The following AGO4 variants were observed in gnomAD, a reference collection of about 807,000 sequenced individuals.
AGO4 encodes argonaute RISC component 4, also known as protein argonaute-4.
Under a neutral mutation model 104.7 loss-of-function variants are expected in AGO4, and 33 were observed. The observed-to-expected ratio is 0.32, with a 90% CI of 0.24 to 0.42. The LOEUF (loss-of-function observed/expected upper bound fraction) is 0.42, where lower values mean the gene tolerates loss of function less well. Among genes scored for constraint, AGO4 ranks in the 10% least tolerant of loss-of-function variants. The pLI, the probability that AGO4 is intolerant of heterozygous loss-of-function variation, is 1.00. For synonymous variants in AGO4, 331 were observed against 364.7 expected, an observed-to-expected ratio of 0.91 and a Z score of 1.05; for missense variants, 711 against 1,083.4, an observed-to-expected ratio of 0.66 and a Z score of 4.83.
chr1:35,818,661 G>GAAAGAAAGAAAGAAAT (rs1643801662), intron 2 of AGO4, among the ~76,000 whole-genome samples: 1 of 126,520 alleles, frequency 7.9e-6, no homozygotes, highest in Non-Finnish European at 1.7e-5. Flanking sequence ...AAGAAAGAAA[G>GAAAGAAAGAAAGAAAT]GAAGAAAGGA....
At chr1:35,850,101 G>C in intron 15 of AGO4, 56 bp from the exon 16 acceptor site, 2 of 1,218,856 alleles carry the variant, frequency 1.6e-6, no homozygotes, top group Non-Finnish European at 2.3e-6. Flanking sequence ...AGAAAAAAAT[G>C]GCCTGACCAC....
Position 35,831,856 on chromosome 1 carries a change from A to G in AGO4, c.1041A>G (p.Thr347=), listed in dbSNP as rs200016040. ...VAGQRCIKKL[T]DNQTSTMIKA... Reference sequence around the variant, plus strand: ...GACAGCGATGTATCAAGAAGCTCACAGACAATCAGACTTCCACAATGATCA... The same window carrying G: ...GACAGCGATGTATCAAGAAGCTCACGGACAATCAGACTTCCACAATGATCA... The change falls in exon 9 of 18, where the codon ACA becomes ACG. Residue 347 remains threonine (T), a synonymous_variant. Coordinates refer to ENST00000373210, the MANE Select transcript of AGO4 (RefSeq NM_017629.4). The G allele has an allele frequency of 1.2e-6, 2 of 1,614,174 alleles. No individual in the cohort carries two copies. The highest frequency in any genetic ancestry group is 4.5e-5 in the East Asian group (2 of 44,874).
At chr1:35,828,947 A>G (rs1644105807) in intron 7 of AGO4, among the ~76,000 whole-genome samples, 1 of 152,056 alleles carries the variant, frequency 6.6e-6, no homozygotes, top group Admixed American at 6.6e-5. Flanking sequence ...AAACATAAAT[A>G]TTGGCTCTTC....
rs370608911 is a variant in AGO4 at position 35,851,096 on chromosome 1, G to A, written c.2477+43G>A. ...AATAAAGTCTCTTTATATTTTAGTA[G>A]CATGTTAAAAAAAATGAGCTACAAT... On this transcript the variant is annotated intron_variant, in intron 17 of 17. Transcript: ENST00000373210. 9.9e-4 allele frequency: 1,507 copies of A among 1,527,834 alleles called. 2 individuals are homozygous for A. The highest frequency in any genetic ancestry group is 1.2e-3 in the Non-Finnish European group (1,406 of 1,131,376). The allele number at this position is 1,527,834 out of a possible 1,614,324, so 94.6% of individuals were successfully genotyped here.
chr1:35,809,998 C>A (rs753344829), intron 1 of AGO4, among the ~76,000 whole-genome samples: 1 of 151,928 alleles, frequency 6.6e-6, no homozygotes, highest in Non-Finnish European at 1.5e-5. Context: ...AAGGATCAAC[C>A]TGGTGATATT....
Position 35,816,971 on chromosome 1 carries a change from G to A in AGO4, c.109G>A (p.Val37Ile), listed in dbSNP as rs1375407571. ...TCGACTGTTAGCCAATCATTTTCAG[G>A]TTCAGATTCCTAAAATAGATGTGTA... ...PIRLLANHFQ[V>I]QIPKIDVYHY... The change falls in exon 2 of 18, where the codon GTT becomes ATT. Residue 37 changes from valine (V) to isoleucine (I), a missense_variant. By Grantham distance (29) the Val-to-Ile change is conservative. This residue lies in a region of AGO4 where 308 missense variants were observed against 397.8 expected (regional missense o/e 0.77). Transcript: ENST00000373210. 3 of 1,614,016 alleles carry A rather than the reference G, an allele frequency of 1.9e-6. No individual in the cohort carries two copies. Among genetic ancestry groups the A allele is most frequent in the African/African-American group, 1.3e-5 (1 of 75,006 alleles).
Position 35,850,147 on chromosome 1 carries a change from T to G in AGO4, c.2176-10T>G. The G allele has an allele frequency of 6.4e-7, 1 of 1,561,012 alleles. No individual in the cohort carries two copies. The highest frequency in any genetic ancestry group is 8.7e-7 in the Non-Finnish European group (1 of 1,155,548). ...TTTGATGACTAATTACTTTTTTTTG[T>G]TTTTTGTAGGTAGGGAAAAGTGGCA... On this transcript the variant is annotated splice_polypyrimidine_tract_variant and intron_variant, in intron 15 of 17. Coordinates refer to ENST00000373210, the MANE Select transcript of AGO4 (RefSeq NM_017629.4).
At chr1:35,809,969 A>C (rs1643445772) in intron 1 of AGO4, among the ~76,000 whole-genome samples, 1 of 152,214 alleles carries the variant, frequency 6.6e-6, no homozygotes, top group Non-Finnish European at 1.5e-5. Context: ...AACTGTGGGC[A>C]TAAACTGAAT....
At chr1:35,844,381 C>A (rs748328468) in intron 15 of AGO4, among the ~76,000 whole-genome samples, 6 of 152,194 alleles carry the variant, frequency 3.9e-5, no homozygotes, top group Non-Finnish European at 5.9e-5. Flanking sequence ...ATTACAAATT[C>A]ATGAGAGCAA....
At chr1:35,831,329 C>G (rs745481641) in intron 7 of AGO4, 98 bp from the exon 8 acceptor site, 1 of 1,322,698 alleles carries the variant, frequency 7.6e-7, no homozygotes, top group Admixed American at 2.6e-5. Flanking sequence ...CCAGCCTGGG[C>G]GACAGAGTGA....
intron 3 of AGO4, 127 bp from the exon 4 acceptor site, chr1:35,825,186 T>C: frequency 1.1e-6 from 1 of 923,326 alleles, no homozygotes. Flanking sequence ...TTGTTTCCAA[T>C]GTTACACAAT....
chr1:35,818,662 GAAGA>G (rs751779528), intron 2 of AGO4, among the ~76,000 whole-genome samples: 21,058 of 121,464 alleles, frequency 0.17, 1,958 homozygotes, highest in Non-Finnish European at 0.24. Context: ...AGAAAGAAAG[GAAGA>G]AAGGAAGGAA....
intron 16 of AGO4, 139 bp downstream of exon 16, chr1:35,850,397 G>C: frequency 1.3e-6 from 1 of 751,296 alleles, no homozygotes; most frequent in South Asian, 1.5e-5. Context: ...TTTTGGTCTA[G>C]GTATCTGCTT....
rs142432459 is a variant in AGO4, at chr1:35,827,790, C to CTTTTTTTTT, written c.848+967_848+975dup. On this transcript the variant is annotated intron_variant, in intron 7 of 17. Coordinates refer to ENST00000373210, the MANE Select transcript of AGO4 (RefSeq NM_017629.4). ...TTTTTTTTATTATACTGTTGTTATT[C>CTTTTTTTTT]TTTTTTTTTTTTTTTTTTTTCTTTT... 6.2e-3 allele frequency among the ~76,000 whole-genome samples: 647 copies of CTTTTTTTTT among 103,700 alleles called. 1 individual carries two copies. The highest frequency in any genetic ancestry group is 7.8e-3 in the Non-Finnish European group (410 of 52,678). The allele number at this position is 103,700 out of a possible 152,430, so 68.0% of individuals were successfully genotyped here.
chr1:35,834,410 T>G (rs890268809), intron 12 of AGO4, among the ~76,000 whole-genome samples: 7 of 152,228 alleles, frequency 4.6e-5, no homozygotes, highest in Non-Finnish European at 1.0e-4. Flanking sequence ...CTATTTGGAA[T>G]GTTGCTGGCC....
At chr1:35,837,387 T>G (rs1644338804) in intron 13 of AGO4, among the ~76,000 whole-genome samples, 1 of 146,032 alleles carries the variant, frequency 6.8e-6, no homozygotes, top group Admixed American at 6.8e-5. Context: ...CCTGGCCTGT[T>G]TTTTTTTTTG....
In AGO4 at chr1:35,825,414, T is replaced by C. The variant is rs1440416335; in HGVS notation, c.408T>C (p.Ala136=). The C allele has an allele frequency of 6.2e-7, 1 of 1,614,092 alleles. No individual in the cohort carries two copies. Among genetic ancestry groups the C allele is most frequent in the African/African-American group, 1.3e-5 (1 of 74,934 alleles). ...TGAGCCTTCAGTTGCTTTTAGAAGCTTTGGCTGGGCACTTGAATGAAGTCC... is the reference window on the plus strand; with the variant it reads ...TGAGCCTTCAGTTGCTTTTAGAAGCCTTGGCTGGGCACTTGAATGAAGTCC... ...SVVSLQLLLE[A]LAGHLNEVPD... Residue 136 remains alanine (A), a synonymous_variant, in exon 4 of 18, where the codon GCT becomes GCC. Coordinates refer to ENST00000373210, the MANE Select transcript of AGO4 (RefSeq NM_017629.4).
chr1:35,814,449 TC>T (rs1445974535), intron 1 of AGO4, among the ~76,000 whole-genome samples: 1 of 128,854 alleles, frequency 7.8e-6, no homozygotes, highest in Non-Finnish European at 1.6e-5. Context: ...ATGCTATCCC[TC>T]CCCCCTCCCC....
intron 2 of AGO4, among the ~76,000 whole-genome samples, chr1:35,820,921 G>GTAT (rs537909930): frequency 5.3e-5 from 8 of 151,948 alleles, no homozygotes; most frequent in African/African-American, 9.6e-5. Flanking sequence ...TTCAAGGGAA[G>GTAT]TATTATTATT....
Sources: allele counts gnomAD v4.1 joint callset (sites outside exome capture counted in the v4.1 genomes callset), GRCh38; gene constraint gnomAD v4.1.1; regional missense constraint gnomAD v4.1.1; transcripts MANE v1.5; gene names NCBI Gene and HGNC (gene_info 2026-07-23, HGNC 2026-07-21).